Variants in NACC2 observed in about 807,000 individuals in gnomAD.
NACC2 encodes nucleus accumbens-associated protein 2.
In NACC2, 8 loss-of-function variants were observed where a neutral mutation model predicts 25.1. The ratio of observed to expected loss-of-function variants is 0.32; its 90% confidence interval spans 0.19 to 0.57. The LOEUF (loss-of-function observed/expected upper bound fraction) is 0.57. Among genes scored for constraint, NACC2 ranks in the 20% least tolerant of loss-of-function variants. NACC2 has a pLI of 0.89. For missense variants in NACC2, 644 were observed against 650.2 expected (o/e 0.99, Z 0.10); for synonymous variants, 435 against 294.7 (o/e 1.48, Z -4.88).
At position 136,011,436 on chromosome 9, in the gene NACC2, G is replaced by A; in HGVS notation, c.*80C>T. On this transcript the variant is annotated 3_prime_UTR_variant, in exon 6 of 6. Transcript: ENST00000277554. ...ACAGTAGCAGTTCAGTAGGTAAGTG[G>A]CTTGATCACATTTGTTTGTATTAGT... 2 of 1,271,688 alleles carry A rather than the reference G, an allele frequency of 1.6e-6. No homozygotes were observed. Among genetic ancestry groups the A allele is most frequent in the Non-Finnish European group, 2.0e-6 (2 of 1,001,596 alleles). 78.8% of individuals were successfully genotyped at this position (1,271,688 alleles called of 1,614,324 possible). A position where few individuals can be genotyped will look rare whatever the true frequency, so the allele number is the denominator to read the frequency against.
chr9:136,064,644 C>T (rs369560703), intron 1 of NACC2, among the ~76,000 whole-genome samples: 55 of 152,220 alleles, frequency 3.6e-4, no homozygotes, highest in Non-Finnish European at 4.9e-4. Flanking sequence ...GAATATGTCC[C>T]GAATTTATCT....
Position 136,055,356 on chromosome 9 carries a change from C to T in NACC2, c.-59-4776G>A, listed in dbSNP as rs1166976232. Among the ~76,000 whole-genome samples, 1 of 152,134 alleles carries T rather than the reference C, an allele frequency of 6.6e-6. No individual in the cohort carries two copies. The highest frequency in any genetic ancestry group is 1.5e-5 in the Non-Finnish European group (1 of 68,012). On this transcript the variant is annotated intron_variant, in intron 1 of 5. Transcript: ENST00000277554. This position sits in a 1 kb window ranked among gnomAD's most constrained non-coding sequence, Gnocchi z 4.9. ...CCAGGCCAGGGCACCTGGGTCCTGGCATCAAGTACCCAGGAGCAGAGGCTC... is the reference window on the plus strand; with the variant it reads ...CCAGGCCAGGGCACCTGGGTCCTGGTATCAAGTACCCAGGAGCAGAGGCTC...
At chr9:136,015,110 AG>A (rs1406935023) in intron 3 of NACC2, among the ~76,000 whole-genome samples, 2 of 152,060 alleles carry the variant, frequency 1.3e-5, no homozygotes, top group Non-Finnish European at 2.9e-5. Context: ...TCTGGGCTGG[AG>A]GAACTCTCCT....
At position 136,013,352 on chromosome 9, in the gene NACC2, A is replaced by G; in HGVS notation, c.1158-56T>C. 11 of 1,526,932 alleles carry G rather than the reference A, an allele frequency of 7.2e-6. No homozygotes were observed. The highest frequency in any genetic ancestry group is 1.4e-5 in the African/African-American group (1 of 73,024). 94.6% of individuals were successfully genotyped at this position (1,526,932 alleles called of 1,614,324 possible). A position where few individuals can be genotyped will look rare whatever the true frequency, so the allele number is the denominator to read the frequency against. ...TGAGGATGATGGGGAGGGTACCTGG[A>G]GGCGACCCGCCCGCACGAATGCCCT... On this transcript the variant is annotated intron_variant, in intron 4 of 5. Transcript: ENST00000277554. This position sits in a 1 kb window ranked among gnomAD's most constrained non-coding sequence, Gnocchi z 6.6.
At chr9:136,062,238 G>C (rs906625119) in intron 1 of NACC2, among the ~76,000 whole-genome samples, 9 of 152,094 alleles carry the variant, frequency 5.9e-5, no homozygotes, top group Admixed American at 2.6e-4. Context: ...TAAGCAACAT[G>C]ATGACTGCAA....
At chr9:136,071,646 GAC>G (rs1460547651) in intron 1 of NACC2, among the ~76,000 whole-genome samples, 1 of 150,982 alleles carries the variant, frequency 6.6e-6, no homozygotes, top group African/African-American at 2.4e-5. Context: ...AAATAGCTAA[GAC>G]AATTTTGAGA....
At chr9:136,083,440 T>C (rs1830344615) in intron 1 of NACC2, among the ~76,000 whole-genome samples, 1 of 152,126 alleles carries the variant, frequency 6.6e-6, no homozygotes, top group South Asian at 2.1e-4. Flanking sequence ...ATAGCATCTC[T>C]CCAAAATCCA....
rs1840146467 is a variant in NACC2, at chr9:136,013,533, C to T, written c.1158-237G>A. 6.6e-6 allele frequency among the ~76,000 whole-genome samples: 1 copy of T among 152,214 alleles called. No individual in the cohort carries two copies. Among genetic ancestry groups the T allele is most frequent in the South Asian group, 2.1e-4 (1 of 4,832 alleles). On this transcript the variant is annotated intron_variant, in intron 4 of 5. Coordinates refer to ENST00000277554, the MANE Select transcript of NACC2 (RefSeq NM_144653.5). The surrounding 1 kb of genome is among the most constrained non-coding windows in gnomAD (Gnocchi z 6.6). ...GCTGCAAGGTGACCTGAGCCTTGTC[C>T]TCAGGGACTCCGGGGACGTCTGAGG...
chr9:136,011,546 C>T lies in NACC2; in HGVS notation c.1734G>A (p.Arg578=), dbSNP rs1296759724. 3 of 1,409,760 alleles carry T rather than the reference C, an allele frequency of 2.1e-6. No individual in the cohort carries two copies. Among genetic ancestry groups the T allele is most frequent in the Non-Finnish European group, 2.8e-6 (3 of 1,088,138 alleles). 87.3% of individuals were successfully genotyped at this position (1,409,760 alleles called of 1,614,324 possible). ...RPQTPAAAAR[R]PEGTYAGTL The stretch of plus-strand genomic sequence containing the variant: ...AGGTCCCTGCATAGGTGCCCTCCGG[C>T]CTCCGGGCCGCGGCCGCCGGCGTCT... The change falls in exon 6 of 6, where the codon AGG becomes AGA. Residue 578 remains arginine, a synonymous_variant. Coordinates refer to ENST00000277554, the MANE Select transcript of NACC2 (RefSeq NM_144653.5).
At chr9:136,094,248 G>A (rs1344717584) in intron 1 of NACC2, among the ~76,000 whole-genome samples, 1 of 152,160 alleles carries the variant, frequency 6.6e-6, no homozygotes, top group South Asian at 2.1e-4. Flanking sequence ...CCCGCGCGGG[G>A]GTTGGGGGAG....
In NACC2 at chr9:136,014,120, G is replaced by A. The variant is rs962672046; in HGVS notation, c.1052-151C>T. 6.6e-5 allele frequency: 41 copies of A among 621,570 alleles called. No homozygotes were observed. In the African/African-American group the frequency reaches 6.8e-4, roughly 10 times the overall value. 38.5% of individuals were successfully genotyped at this position (621,570 alleles called of 1,614,324 possible). ...TTTTTTTGGGGAGGAGCAATTTGAG[G>A]TCCCACCTGCTGGTCACCAGGAGAG... On this transcript the variant is annotated intron_variant, in intron 3 of 5. Transcript: ENST00000277554.
chr9:136,061,488 G>A (rs1192500988), intron 1 of NACC2, among the ~76,000 whole-genome samples: 1 of 152,230 alleles, frequency 6.6e-6, no homozygotes, highest in Non-Finnish European at 1.5e-5. Flanking sequence ...TTTGGCCGCA[G>A]GAAGGGGCTG....
intron 1 of NACC2, among the ~76,000 whole-genome samples, chr9:136,050,948 CA>C (rs1198748149): frequency 6.6e-6 from 1 of 152,164 alleles, no homozygotes; most frequent in South Asian, 2.1e-4. Context: ...AGCCTCTGGG[CA>C]AACCTGCAGC....
chr9:136,025,455 C>A (rs1272911766), intron 2 of NACC2, among the ~76,000 whole-genome samples: 2 of 152,104 alleles, frequency 1.3e-5, no homozygotes, highest in African/African-American at 4.8e-5. Context: ...CAAAACAAAA[C>A]AACAAAACAA....
At chr9:136,061,625 G>A (rs1841011947) in intron 1 of NACC2, among the ~76,000 whole-genome samples, 1 of 152,104 alleles carries the variant, frequency 6.6e-6, no homozygotes, top group African/African-American at 2.4e-5. Flanking sequence ...GACCCAGCAG[G>A]TCTACCCCAG....
intron 1 of NACC2, among the ~76,000 whole-genome samples, chr9:136,075,070 G>T (rs1830246795): frequency 6.6e-6 from 1 of 152,248 alleles, no homozygotes; most frequent in African/African-American, 2.4e-5. Flanking sequence ...GACGCTCTTG[G>T]TTCTGCGTGA....
At chr9:136,057,791 G>A (rs909664385) in intron 1 of NACC2, among the ~76,000 whole-genome samples, 5 of 152,204 alleles carry the variant, frequency 3.3e-5, no homozygotes, top group African/African-American at 1.2e-4. Context: ...ATGGCCTGGA[G>A]CAGCTGTGGC....
In NACC2 at chr9:136,011,840, G is replaced by T; in HGVS notation, c.1440C>A (p.Asp480Glu). The change falls in exon 6 of 6, where the codon GAC becomes GAA. Residue 480 changes from aspartate to glutamate, a missense_variant. Transcript: ENST00000277554. ...MGSAAASVPL[D>E]PEFPPAAAQV... is the part of the protein sequence containing the mutation. ...GTGCCGCGGCAGGCGGGAACTCGGG[G>T]TCGAGGGGCACGCTGGCGGCGGCGG... 1.9e-6 allele frequency: 3 copies of T among 1,566,096 alleles called. No individual in the cohort carries two copies. The South Asian group carries it at 3.5e-5, about 18-fold the overall frequency.
At chr9:136,064,844 T>C (rs1479939054) in intron 1 of NACC2, among the ~76,000 whole-genome samples, 1 of 152,206 alleles carries the variant, frequency 6.6e-6, no homozygotes, top group East Asian at 1.9e-4. Context: ...CAATATAGTA[T>C]GGTGCTGATC....
Sources: gnomAD v4.1 joint callset for allele counts (sites outside exome capture counted in the v4.1 genomes callset) on GRCh38, gnomAD v4.1.1 for gene constraint, Gnocchi (gnomAD v3.1) non-coding constraint, MANE v1.5 for transcripts, NCBI Gene and HGNC (gene_info 2026-07-23, HGNC 2026-07-21) for gene names.